Variants in BRD4 observed in about 807,000 individuals in gnomAD.
BRD4 encodes bromodomain-containing protein 4.
A neutral mutation model predicts 142.1 loss-of-function variants in BRD4; 16 were observed. The ratio of observed to expected loss-of-function variants is 0.11; its 90% CI spans 0.08 to 0.17. The LOEUF (loss-of-function observed/expected upper bound fraction) is 0.17. Ranked by LOEUF, BRD4 falls within the 10% of genes least tolerant of loss-of-function variation. The probability of loss-of-function intolerance (pLI) is 1.00; values close to 1 mark genes in which losing one functional copy is unlikely to be tolerated. For synonymous variants in BRD4, 833 were observed against 707.5 expected (o/e 1.18, Z -2.82); for missense variants, 1,424 against 1,810.9 (o/e 0.79, Z 3.88).
At chr19:15,314,099 G>A (rs552339431) in intron 1 of BRD4, among the ~76,000 whole-genome samples, 30 of 152,304 alleles carry the variant, frequency 2.0e-4, no homozygotes, top group African/African-American at 7.0e-4. Context: ...GCACCTTCTA[G>A]TACCACAGCT....
intron 7 of BRD4, among the ~76,000 whole-genome samples, chr19:15,260,400 C>A (rs2047456268): frequency 6.6e-6 from 1 of 152,184 alleles, no homozygotes; most frequent in Non-Finnish European, 1.5e-5. Flanking sequence ...TGCTCTCTAC[C>A]TGCTGATGCA....
intron 10 of BRD4, among the ~76,000 whole-genome samples, chr19:15,254,954 G>T (rs1300473174): frequency 6.6e-6 from 1 of 152,162 alleles, no homozygotes; most frequent in Non-Finnish European, 1.5e-5. Context: ...CACAGGTCCT[G>T]GGACCCTGCA....
intron 1 of BRD4, among the ~76,000 whole-genome samples, chr19:15,320,178 G>A (rs1222523103): frequency 6.6e-6 from 1 of 152,208 alleles, no homozygotes; most frequent in East Asian, 1.9e-4. Context: ...CCCATTCTTA[G>A]CCACTAGACT....
intron 1 of BRD4, among the ~76,000 whole-genome samples, chr19:15,316,299 G>T (rs1206121336): frequency 6.6e-6 from 1 of 151,394 alleles, no homozygotes; most frequent in East Asian, 1.9e-4. Context: ...CAACCATCCC[G>T]CTTCTATATT....
chr19:15,265,088 A>G (rs1484746274), intron 5 of BRD4, among the ~76,000 whole-genome samples: 2 of 152,198 alleles, frequency 1.3e-5, no homozygotes, highest in Non-Finnish European at 2.9e-5. Context: ...CAATTCAGAG[A>G]CTATTTAGAT....
Position 15,244,310 on chromosome 19 carries a change from C to T in BRD4, c.2502G>A (p.Glu834=). ...GCGGCTGGGGCAGGTGAGGGGGCAG[C>T]TCAGGCTGCGGCAGGTGCAGGATGG... ...TQPILHLPQP[E]LPPHLPQPPE... The change falls in exon 13 of 20, where the codon GAG becomes GAA. Residue 834 remains glutamate (E), a synonymous_variant. Coordinates refer to ENST00000679869, the MANE Select transcript of BRD4 (RefSeq NM_001379291.1). 6.3e-7 allele frequency: 1 copy of T among 1,598,272 alleles called. No homozygotes were observed. The highest frequency in any genetic ancestry group is 1.1e-5 in the South Asian group (1 of 88,194).
Position 15,332,280 on chromosome 19 carries a change from C to G in BRD4, c.-35+10G>C, listed in dbSNP as rs1314913970. On this transcript the variant is annotated intron_variant, in intron 1 of 19. Coordinates refer to ENST00000679869, the MANE Select transcript of BRD4 (RefSeq NM_001379291.1). ...TGTCGTCCGCCGCCCCAAAGGGCAC[C>G]AGTCCTCACCTGAGACGCTAGGCCG... is the stretch of plus-strand genomic sequence containing the variant. 2 of 147,532 alleles carry G rather than the reference C, an allele frequency of 1.4e-5. No homozygotes were observed. Among genetic ancestry groups the G allele is most frequent in the Non-Finnish European group, 3.0e-5 (2 of 66,024 alleles). The allele number at this position is 147,532 out of a possible 1,614,324, so 9.1% of individuals were successfully genotyped here.
chr19:15,306,646 G>A (rs939677471), intron 1 of BRD4, among the ~76,000 whole-genome samples: 1 of 152,060 alleles, frequency 6.6e-6, no homozygotes, highest in African/African-American at 2.4e-5. Flanking sequence ...GCTATTATAG[G>A]GTTATTAACC....
chr19:15,313,305 G>A (rs914252382), intron 1 of BRD4, among the ~76,000 whole-genome samples: 3 of 150,540 alleles, frequency 2.0e-5, no homozygotes, highest in African/African-American at 4.9e-5. Flanking sequence ...TCCGGAAGGC[G>A]GAGCTTGCCG....
intron 1 of BRD4, among the ~76,000 whole-genome samples, chr19:15,296,627 A>G (rs181257334): frequency 7.7e-4 from 117 of 152,322 alleles, no homozygotes; most frequent in African/African-American, 2.8e-3. Context: ...TGAAGTGGAC[A>G]GGGAGCCAAA....
intron 3 of BRD4, 48 bp downstream of exon 3, chr19:15,268,857 C>A: frequency 6.2e-7 from 1 of 1,607,042 alleles, no homozygotes; most frequent in Non-Finnish European, 8.5e-7. Context: ...GCCGTCGCCT[C>A]CCCTCCTCTC....
intron 8 of BRD4, among the ~76,000 whole-genome samples, chr19:15,256,619 A>T (rs2145574587): frequency 6.6e-6 from 1 of 152,306 alleles, no homozygotes; most frequent in South Asian, 2.1e-4. Context: ...GAAGGGCCTG[A>T]TGACTGGCTA....
At chr19:15,248,963 A>G (rs1353911446) in intron 11 of BRD4, 2 of 489,200 alleles carry the variant, frequency 4.1e-6, no homozygotes, top group Non-Finnish European at 7.5e-6. Context: ...TGTGTTGGGG[A>G]TTGTCATCAC....
intron 1 of BRD4, chr19:15,275,808 A>G (rs1216123023): frequency 6.6e-5 from 10 of 152,296 alleles, no homozygotes; most frequent in African/African-American, 2.4e-4. Context: ...GGAATTGGAG[A>G]TGAGCCTGGA....
chr19:15,272,771 C>CCTCCAGGACAA, intron 2 of BRD4, 44 bp downstream of exon 2: 12 of 1,563,414 alleles, frequency 7.7e-6, no homozygotes, highest in Non-Finnish European at 1.0e-5. Flanking sequence ...ATGCAGGAGA[C>CCTCCAGGACAA]GACCTCCAGG....
chr19:15,329,603 G>A (rs538570457), intron 1 of BRD4, among the ~76,000 whole-genome samples: 2 of 152,242 alleles, frequency 1.3e-5, no homozygotes, highest in South Asian at 2.1e-4. Context: ...GCTGGGCGTG[G>A]CGGCGCGTGC....
intron 1 of BRD4, among the ~76,000 whole-genome samples, chr19:15,293,307 G>GC (rs1266836693): frequency 6.6e-6 from 1 of 152,066 alleles, no homozygotes; most frequent in Non-Finnish European, 1.5e-5. Context: ...TAGGAGGGTG[G>GC]CACTGGGTAG....
chr19:15,260,686 T>C (rs1271687442), intron 7 of BRD4, among the ~76,000 whole-genome samples: 1 of 151,376 alleles, frequency 6.6e-6, no homozygotes, highest in Non-Finnish European at 1.5e-5. Flanking sequence ...CTGGAGCCCG[T>C]GTGTAGGAAG....
At chr19:15,269,425 T>C (rs567642174) in intron 2 of BRD4, among the ~76,000 whole-genome samples, 1 of 152,328 alleles carries the variant, frequency 6.6e-6, no homozygotes, top group South Asian at 2.1e-4. Flanking sequence ...AGACAACCCA[T>C]GGCAGGTCCT....
Sources: allele counts gnomAD v4.1 joint callset (sites outside exome capture counted in the v4.1 genomes callset), GRCh38; gene constraint gnomAD v4.1.1; transcripts MANE v1.5; gene names NCBI Gene and HGNC (gene_info 2026-07-23, HGNC 2026-07-21).